The following MYOM1 variants were observed in gnomAD, a reference collection of about 807,000 sequenced individuals.
MYOM1 encodes myomesin 1, also known as myomesin-1.
A neutral mutation model predicts 205.3 loss-of-function variants in MYOM1; 164 were observed. The ratio of observed to expected loss-of-function variants is 0.80; its 90% CI spans 0.70 to 0.91. The LOEUF (loss-of-function observed/expected upper bound fraction) is 0.91, where lower values mean the gene tolerates loss of function less well. Ranked by LOEUF, MYOM1 falls within the 40% of genes least tolerant of loss-of-function variation. The pLI is 0.00. For synonymous variants in MYOM1, 772 were observed against 789.4 expected (o/e 0.98, Z 0.37); for missense variants, 2,011 against 2,127.3 (o/e 0.95, Z 1.08).
intron 13 of MYOM1, among the ~76,000 whole-genome samples, chr18:3,143,418 A>T (rs8085760): frequency 0.77 from 117,051 of 152,112 alleles, 45,374 homozygotes; most frequent in African/African-American, 0.87. Context: ...TCTGGATTTA[A>T]ACAAATAAAT....
chr18:3,077,837 C>A (rs1186781956), intron 34 of MYOM1, among the ~76,000 whole-genome samples: 2 of 152,102 alleles, frequency 1.3e-5, no homozygotes, highest in Non-Finnish European at 2.9e-5. Context: ...CAAAGTGTGT[C>A]CTAGAAAGTC....
chr18:3,125,856 CAT>C (rs1441038185), intron 19 of MYOM1, among the ~76,000 whole-genome samples: 1 of 152,158 alleles, frequency 6.6e-6, no homozygotes, highest in Non-Finnish European at 1.5e-5. Context: ...GAGGAGAACA[CAT>C]GTGAGGCCAC....
intron 3 of MYOM1, among the ~76,000 whole-genome samples, 174 bp downstream of exon 3, chr18:3,193,644 G>C (rs1034808703): frequency 8.5e-5 from 13 of 152,086 alleles, no homozygotes; most frequent in African/African-American, 3.1e-4. Context: ...TCAGTATATA[G>C]TAAGTGCTTA....
chr18:3,242,980 AT>A, the MYOM1 span, among the ~76,000 whole-genome samples: 1 of 151,772 alleles, frequency 6.6e-6, no homozygotes, highest in African/African-American at 2.4e-5. Flanking sequence ...ATTTTTTCAA[AT>A]TTTCTAGTAT....
chr18:3,191,799 G>A (rs976115538), intron 3 of MYOM1, among the ~76,000 whole-genome samples: 4 of 151,684 alleles, frequency 2.6e-5, no homozygotes, highest in East Asian at 1.9e-4. Context: ...AGGTTTAAGC[G>A]ATTTTCCTGC....
chr18:3,158,601 A>G (rs902384422), intron 10 of MYOM1, among the ~76,000 whole-genome samples: 1 of 152,018 alleles, frequency 6.6e-6, no homozygotes, highest in Non-Finnish European at 1.5e-5. Flanking sequence ...AAACAATCTC[A>G]TTTCAATTTT....
At chr18:3,193,656 T>C (rs568725570) in intron 3 of MYOM1, among the ~76,000 whole-genome samples, 162 bp downstream of exon 3, 3 of 152,306 alleles carry the variant, frequency 2.0e-5, no homozygotes, top group South Asian at 4.1e-4. Flanking sequence ...AAGTGCTTAA[T>C]AAAAGGTTAG....
intron 22 of MYOM1, among the ~76,000 whole-genome samples, chr18:3,109,308 A>G (rs893099330): frequency 1.3e-5 from 2 of 152,126 alleles, no homozygotes; most frequent in Admixed American, 1.3e-4. Context: ...AATATCCCAC[A>G]ACTTAGCTGA....
the MYOM1 span, among the ~76,000 whole-genome samples, chr18:3,240,502 T>G: frequency 6.6e-6 from 1 of 152,238 alleles, no homozygotes; most frequent in African/African-American, 2.4e-5. Context: ...CATGTAGACA[T>G]GCCTTTCATC....
At chr18:3,202,133 T>C (rs536122709) in intron 2 of MYOM1, among the ~76,000 whole-genome samples, 9 of 152,222 alleles carry the variant, frequency 5.9e-5, no homozygotes, top group African/African-American at 1.7e-4. Flanking sequence ...CTGAAGTAGA[T>C]AGAAATAAGT....
chr18:3,111,351 T>C (rs914185963), intron 22 of MYOM1, among the ~76,000 whole-genome samples: 17 of 152,000 alleles, frequency 1.1e-4, no homozygotes, highest in Admixed American at 3.3e-4. Flanking sequence ...CTGAAACTCG[T>C]TGGACAATGA....
intron 30 of MYOM1, 83 bp downstream of exon 30, chr18:3,085,955 G>C (rs530241604): frequency 1.3e-6 from 1 of 799,506 alleles, no homozygotes; most frequent in South Asian, 1.7e-5. Context: ...GTCATGAAAG[G>C]AATACAGAAT....
chr18:3,072,929 A>AG (rs1372780594), intron 36 of MYOM1, among the ~76,000 whole-genome samples: 2 of 150,094 alleles, frequency 1.3e-5, no homozygotes, highest in Non-Finnish European at 3.0e-5. Context: ...GCATAATGGA[A>AG]GGGCTACATG....
chr18:3,074,950 C>T (rs1489675433), intron 36 of MYOM1, among the ~76,000 whole-genome samples: 2 of 152,150 alleles, frequency 1.3e-5, no homozygotes, highest in African/African-American at 4.8e-5. Flanking sequence ...CCCGCCACTA[C>T]ACCCGGCTAA....
chr18:3,215,103 G>A lies in MYOM1; in HGVS notation c.121C>T (p.Gln41Ter), dbSNP rs2081247527. 1 of 1,613,816 alleles carries A rather than the reference G, an allele frequency of 6.2e-7. No individual in the cohort carries two copies. The highest frequency in any genetic ancestry group is 8.5e-7 in the Non-Finnish European group (1 of 1,179,860). ...REKKRSAVYT[Q>*]GSTAYSSRSS... ...CGGCTGCTGTAGGCCGTGGAGCCCTGGGTGTAGACGGCGGAGCGTTTCTTC... is the reference window on the plus strand; with the variant it reads ...CGGCTGCTGTAGGCCGTGGAGCCCTAGGTGTAGACGGCGGAGCGTTTCTTC... Residue 41 changes from glutamine to a stop codon, truncating the protein, a stop_gained, in exon 2 of 38, where the codon CAG becomes TAG. Coordinates refer to ENST00000356443, the MANE Select transcript of MYOM1 (RefSeq NM_003803.4). LOFTEE classifies it high-confidence loss of function.
At chr18:3,143,478 AC>A (rs981498044) in intron 13 of MYOM1, among the ~76,000 whole-genome samples, 1 of 152,252 alleles carries the variant, frequency 6.6e-6, no homozygotes, top group African/African-American at 2.4e-5. Context: ...CCTTTTTCTT[AC>A]ATTTTGTATC....
At chr18:3,147,749 A>T (rs1337539927) in intron 13 of MYOM1, among the ~76,000 whole-genome samples, 1 of 152,226 alleles carries the variant, frequency 6.6e-6, no homozygotes, top group Non-Finnish European at 1.5e-5. Context: ...TTGGGTAAAG[A>T]ACAATCTTTT....
chr18:3,071,460 G>C (rs1422833754), intron 37 of MYOM1, among the ~76,000 whole-genome samples: 1 of 152,262 alleles, frequency 6.6e-6, no homozygotes, highest in Middle Eastern at 3.4e-3. Context: ...CCAGGTTCAA[G>C]CAACTCTCCT....
At position 3,209,040 on chromosome 18, in the gene MYOM1, A is replaced by C. The variant is rs575275753; in HGVS notation, c.290+5894T>G. 4.8e-4 allele frequency among the ~76,000 whole-genome samples: 73 copies of C among 152,346 alleles called. 1 individual carries two copies. The highest frequency in any genetic ancestry group is 9.1e-4 in the Admixed American group (14 of 15,308). On this transcript the variant is annotated intron_variant, in intron 2 of 37. Transcript: ENST00000356443. The surrounding 1 kb of genome is among the most constrained non-coding windows in gnomAD (Gnocchi z 4.0). ...TCTCCAGATGGATTTGAGTCTCCAT[A>C]CAACTATGGTTATTTCAAGGTGCTT...
Sources: allele counts gnomAD v4.1 joint callset (sites outside exome capture counted in the v4.1 genomes callset), GRCh38; gene constraint gnomAD v4.1.1; non-coding constraint Gnocchi (gnomAD v3.1); transcripts MANE v1.5; gene names NCBI Gene and HGNC (gene_info 2026-07-23, HGNC 2026-07-21).